Variants in NCAM2 observed in about 807,000 individuals in gnomAD.
NCAM2 encodes neural cell adhesion molecule 2, also known as N-CAM-2.
In NCAM2, 30 loss-of-function variants were observed where a neutral mutation model predicts 98.1. The observed-to-expected ratio is 0.31, with a 90% CI of 0.23 to 0.41. The LOEUF (loss-of-function observed/expected upper bound fraction) is 0.41, where lower values mean the gene tolerates loss of function less well. Among genes scored for constraint, NCAM2 ranks in the 10% least tolerant of loss-of-function variants. NCAM2 has a pLI of 1.00. For synonymous variants in NCAM2, 368 were observed against 342.4 expected, an observed-to-expected ratio of 1.07 and a Z score of -0.83; for missense variants, 867 against 1,005.8, an observed-to-expected ratio of 0.86 and a Z score of 1.87.
chr21:21,153,306 T>TC (rs1266162175), intron 1 of NCAM2, among the ~76,000 whole-genome samples: 3 of 151,792 alleles, frequency 2.0e-5, no homozygotes, highest in African/African-American at 7.2e-5. Context: ...ATTTTTTTTT[T>TC]CATGAAGCTC....
intron 12 of NCAM2, chr21:21,463,809 G>A (rs2146202518): frequency 6.6e-6 from 1 of 152,144 alleles, no homozygotes; most frequent in South Asian, 2.1e-4. Flanking sequence ...GCCAGAAAGA[G>A]CTTTTGCCTG....
intron 8 of NCAM2, among the ~76,000 whole-genome samples, chr21:21,370,500 A>G (rs899102413): frequency 1.3e-5 from 2 of 151,924 alleles, no homozygotes; most frequent in African/African-American, 4.8e-5. Flanking sequence ...TAGAAAAATC[A>G]CTAATGAAAT....
chr21:21,273,296 T>C (rs1237867842), intron 1 of NCAM2, among the ~76,000 whole-genome samples: 1 of 152,000 alleles, frequency 6.6e-6, no homozygotes, highest in African/African-American at 2.4e-5. Flanking sequence ...CATATATGTT[T>C]GTAGTACAGG....
intron 1 of NCAM2, among the ~76,000 whole-genome samples, chr21:21,244,861 A>T (rs1012823243): frequency 1.3e-5 from 2 of 151,368 alleles, no homozygotes; most frequent in African/African-American, 4.8e-5. Flanking sequence ...AAAAAAAAAA[A>T]AAAGGACATA....
chr21:21,072,006 G>T (rs902267918), intron 1 of NCAM2, among the ~76,000 whole-genome samples: 1 of 148,644 alleles, frequency 6.7e-6, no homozygotes, highest in African/African-American at 2.6e-5. Context: ...TCCGCCTCCC[G>T]GGTTCACGCC....
chr21:21,301,542 C>A (rs954509103), intron 5 of NCAM2, among the ~76,000 whole-genome samples: 4 of 104,220 alleles, frequency 3.8e-5, no homozygotes, highest in South Asian at 4.4e-4. Flanking sequence ...CCCCTCCCCC[C>A]ACCCCACCAC....
At chr21:21,427,962 C>T (rs550839816) in intron 11 of NCAM2, among the ~76,000 whole-genome samples, 70 of 152,222 alleles carry the variant, frequency 4.6e-4, no homozygotes, top group African/African-American at 1.6e-3. Context: ...CAACACTCGC[C>T]GTCGTACTAT....
At chr21:21,509,793 G>GTAT (rs1241243261) in intron 16 of NCAM2, among the ~76,000 whole-genome samples, 1 of 152,016 alleles carries the variant, frequency 6.6e-6, no homozygotes, top group Non-Finnish European at 1.5e-5. Flanking sequence ...TTCAAAAGTA[G>GTAT]AATATGATCA....
chr21:21,223,745 C>A (rs993201623), intron 1 of NCAM2: 1 of 152,028 alleles, frequency 6.6e-6, no homozygotes, highest in Non-Finnish European at 1.5e-5. Context: ...TTGAAGCACA[C>A]GACTGAAAGA....
At chr21:20,998,756 C>T in intron 1 of NCAM2, 138 bp downstream of exon 1, 2 of 862,110 alleles carry the variant, frequency 2.3e-6, no homozygotes, top group Non-Finnish European at 3.7e-6. Flanking sequence ...TTATTATTTT[C>T]GTTCTTTCTC....
chr21:21,422,003 A>G (rs1366402433), intron 11 of NCAM2, among the ~76,000 whole-genome samples: 2 of 151,972 alleles, frequency 1.3e-5, no homozygotes, highest in Admixed American at 1.3e-4. Flanking sequence ...TGAGGTAGGC[A>G]TCTGTGTAGG....
intron 1 of NCAM2, chr21:21,223,185 C>T (rs1050502363): frequency 6.6e-6 from 1 of 152,118 alleles, no homozygotes; most frequent in Non-Finnish European, 1.5e-5. Flanking sequence ...TGTATTGAAT[C>T]ACCTTTACAT....
intron 1 of NCAM2, among the ~76,000 whole-genome samples, chr21:21,138,955 T>A (rs1435093658): frequency 6.6e-6 from 1 of 152,222 alleles, no homozygotes; most frequent in Non-Finnish European, 1.5e-5. Flanking sequence ...AATAGTTATA[T>A]AATGCAGTCA....
At chr21:21,526,220 A>C (rs1394983961) in intron 16 of NCAM2, among the ~76,000 whole-genome samples, 1 of 152,098 alleles carries the variant, frequency 6.6e-6, no homozygotes, top group Non-Finnish European at 1.5e-5. Flanking sequence ...ATGATAGTCT[A>C]TGAAAAAAGT....
intron 1 of NCAM2, among the ~76,000 whole-genome samples, chr21:21,131,211 C>T (rs1190888377): frequency 6.6e-6 from 1 of 151,322 alleles, no homozygotes; most frequent in African/African-American, 2.4e-5. Flanking sequence ...GCAGAGTTAT[C>T]ACCATTCAAT....
chr21:21,458,237 G>T (rs1163384257), intron 12 of NCAM2, among the ~76,000 whole-genome samples: 2 of 152,208 alleles, frequency 1.3e-5, no homozygotes, highest in Non-Finnish European at 2.9e-5. Flanking sequence ...GACATGGTGG[G>T]TGCCCCTTCA....
intron 5 of NCAM2, among the ~76,000 whole-genome samples, chr21:21,324,063 T>A (rs1001302922): frequency 2.0e-5 from 3 of 152,174 alleles, no homozygotes; most frequent in African/African-American, 4.8e-5. Context: ...TTAACAGATT[T>A]AGTAGTGAAA....
At chr21:21,426,172 C>T (rs967900572) in intron 11 of NCAM2, among the ~76,000 whole-genome samples, 1 of 152,068 alleles carries the variant, frequency 6.6e-6, no homozygotes, top group Non-Finnish European at 1.5e-5. Flanking sequence ...ATATATTCAA[C>T]ATATAAAATG....
At chr21:21,511,565 A>G (rs1470402085) in intron 16 of NCAM2, among the ~76,000 whole-genome samples, 1 of 151,888 alleles carries the variant, frequency 6.6e-6, no homozygotes, top group Non-Finnish European at 1.5e-5. Flanking sequence ...ACATGGGAGT[A>G]CAAATATCTC....
Sources: allele counts gnomAD v4.1 joint callset (sites outside exome capture counted in the v4.1 genomes callset), GRCh38; gene constraint gnomAD v4.1.1; transcripts MANE v1.5; gene names NCBI Gene and HGNC (gene_info 2026-07-23, HGNC 2026-07-21).